Variants in SERF2 observed in about 807,000 individuals in gnomAD.
The protein encoded by SERF2 is gastric cancer-related protein VRG107.
Under a neutral mutation model 10.7 loss-of-function variants are expected in SERF2, and 4 were observed. The ratio of observed to expected loss-of-function variants is 0.37; its 90% CI spans 0.18 to 0.86. The LOEUF (loss-of-function observed/expected upper bound fraction) is 0.86. Among genes scored for constraint, SERF2 ranks in the 40% least tolerant of loss-of-function variants. The probability of loss-of-function intolerance (pLI) is 0.43; values close to 1 mark genes in which losing one functional copy is unlikely to be tolerated. For missense variants in SERF2, 47 were observed against 79.1 expected (o/e 0.59, Z 1.54); for synonymous variants, 26 against 26.0 (o/e 1.00, Z 0.01).
At chr15:43,786,828 G>C (rs901620064) in intron 2 of SERF2, among the ~76,000 whole-genome samples, 2 of 152,128 alleles carry the variant, frequency 1.3e-5, no homozygotes, top group African/African-American at 4.8e-5. Context: ...TATGGGCTAT[G>C]TGTTTCCTCA....
Position 43,793,818 on chromosome 15 carries a change from C to A in SERF2, c.*45C>A, listed in dbSNP as rs750512118. ...ACCCTCTTGCCCTTCGCCTGTGTGC[C>A]TGGAGCCAGTCCCACCACGCTCGCG... On this transcript the variant is annotated 3_prime_UTR_variant, in exon 3 of 3. Transcript: ENST00000249786. The A allele has an allele frequency of 1.2e-6, 2 of 1,613,840 alleles. No individual in the cohort carries two copies. The highest frequency in any genetic ancestry group is 2.2e-5 in the East Asian group (1 of 44,820).
chr15:43,793,157 C>T lies in SERF2; in HGVS notation c.116+74C>T, dbSNP rs1414078925. 1.1e-5 allele frequency: 10 copies of T among 930,786 alleles called. No individual in the cohort carries two copies. In the African/African-American group the frequency reaches 1.5e-4, roughly 14 times the overall value. The allele number at this position is 930,786 out of a possible 1,614,324, so 57.7% of individuals were successfully genotyped here. A position where few individuals can be genotyped will look rare whatever the true frequency, so the allele number is the denominator to read the frequency against. ...CCAAGGGTTATAGAAGGAAAGAGAG[C>T]TACCTCAGGGCTTGAATGTGGACTA... On this transcript the variant is annotated intron_variant, in intron 2 of 2. Transcript: ENST00000249786.
In SERF2 at chr15:43,794,172, A is replaced by T; in HGVS notation, c.*399A>T. 1.8e-6 allele frequency: 1 copy of T among 555,466 alleles called. No homozygotes were observed. Among genetic ancestry groups the T allele is most frequent in the Non-Finnish European group, 3.1e-6 (1 of 317,748 alleles). 34.4% of individuals were successfully genotyped at this position (555,466 alleles called of 1,614,324 possible). On this transcript the variant is annotated 3_prime_UTR_variant, in exon 3 of 3. Transcript: ENST00000249786. ...GGTATGTAGACTTAATAAGTGAAACATCACAGAAGAAGCCTTTATTATACA... is the reference window on the plus strand; with the variant it reads ...GGTATGTAGACTTAATAAGTGAAACTTCACAGAAGAAGCCTTTATTATACA...
chr15:43,779,407 G>C (rs1394204787), intron 1 of SERF2, among the ~76,000 whole-genome samples: 1 of 152,178 alleles, frequency 6.6e-6, no homozygotes, highest in Non-Finnish European at 1.5e-5. Flanking sequence ...CTGAGGCTTA[G>C]AGAAGCAGAG....
chr15:43,778,549 A>G (rs560011562), intron 1 of SERF2, among the ~76,000 whole-genome samples: 3 of 148,162 alleles, frequency 2.0e-5, no homozygotes, highest in African/African-American at 5.0e-5. Context: ...AAAAAAAGAA[A>G]AAAAGGCCAG....
At chr15:43,792,300 C>T (rs1002020765), upstream of SERF2, 9 of 1,277,288 alleles carry the variant, frequency 7.0e-6, no homozygotes, top group South Asian at 1.2e-5. Flanking sequence ...TGCTACGTTG[C>T]CAGAAGGGGC....
Position 43,795,018 on chromosome 15 carries a change from G to T in SERF2, c.*1245G>T, listed in dbSNP as rs143486742. 216 of 1,611,162 alleles carry T rather than the reference G, an allele frequency of 1.3e-4. 1 individual carries two copies. The East Asian group carries it at 4.6e-3, about 34-fold the overall frequency. On this transcript the variant is annotated 3_prime_UTR_variant, in exon 3 of 3. Transcript: ENST00000249786. Reference sequence around the variant, plus strand: ...AAAGGACTTAGACTGGAGGATATTTGTTATCTGGGGATATGATGCGGTGGC... The same window carrying T: ...AAAGGACTTAGACTGGAGGATATTTTTTATCTGGGGATATGATGCGGTGGC...
intron 1 of SERF2, among the ~76,000 whole-genome samples, chr15:43,782,486 C>T (rs981148955): frequency 6.6e-6 from 1 of 152,090 alleles, no homozygotes; most frequent in Admixed American, 6.6e-5. Context: ...AGGAGTATAA[C>T]TCTCCTCTTA....
At chr15:43,792,465 C>T (rs1413162174) in intron 1 of SERF2, 82 bp downstream of exon 1, 2 of 1,610,312 alleles carry the variant, frequency 1.2e-6, no homozygotes, top group African/African-American at 1.3e-5. Context: ...CTTTGACCTT[C>T]CGTAGCTTCC....
chr15:43,792,120 C>A (rs1010070742), upstream of SERF2: 5 of 576,582 alleles, frequency 8.7e-6, no homozygotes, highest in Non-Finnish European at 1.6e-5. Flanking sequence ...TCTCCAGGCC[C>A]GTCCCTACGT....
chr15:43,794,197 A>G lies in SERF2; in HGVS notation c.*424A>G. On this transcript the variant is annotated 3_prime_UTR_variant, in exon 3 of 3. Coordinates refer to ENST00000249786, the MANE Select transcript of SERF2 (RefSeq NM_001018108.4). ...ATCACAGAAGAAGCCTTTATTATAC[A>G]ATGACAACCAAACAAGTACTCCGGA... 1.9e-6 allele frequency: 1 copy of G among 517,680 alleles called. No homozygotes were observed. The highest frequency in any genetic ancestry group is 3.4e-6 in the Non-Finnish European group (1 of 293,664). 32.1% of individuals were successfully genotyped at this position (517,680 alleles called of 1,614,324 possible). A position where few individuals can be genotyped will look rare whatever the true frequency, so the allele number is the denominator to read the frequency against.
At chr15:43,777,326 G>A in exon 1 of SERF2, 2 of 344,970 alleles carry the variant, frequency 5.8e-6, no homozygotes, top group South Asian at 2.2e-5. Context: ...CAGCCGCAGA[G>A]GGGCGGGAGA....
At position 43,793,025 on chromosome 15, in the gene SERF2, G is replaced by T; in HGVS notation, c.58G>T (p.Asp20Tyr). Reference sequence around the variant, plus strand: ...CCAGAAGAATATGAAAAAGCAGAGCGACTCGGTTAAGGGAAAGCGCCGAGA... The same window carrying T: ...CCAGAAGAATATGAAAAAGCAGAGCTACTCGGTTAAGGGAAAGCGCCGAGA... ...ARQKNMKKQS[D>Y]SVKGKRRDDG... is the part of the protein sequence containing the mutation. The change falls in exon 2 of 3, where the codon GAC (aspartate) becomes TAC (tyrosine). Residue 20 changes from aspartate (D) to tyrosine (Y), a missense_variant. Transcript: ENST00000249786. The T allele has an allele frequency of 1.2e-6, 2 of 1,613,120 alleles. No homozygotes were observed. The highest frequency in any genetic ancestry group is 2.2e-5 in the South Asian group (2 of 90,980).
At chr15:43,791,900 A>G (rs151276103), upstream of SERF2, 1 of 174,368 alleles carries the variant, frequency 5.7e-6, no homozygotes, top group East Asian at 1.6e-4. Context: ...CTAAGTAAGC[A>G]CAAGTTTAGT....
chr15:43,782,706 G>C (rs2086973868), intron 1 of SERF2, among the ~76,000 whole-genome samples: 2 of 151,906 alleles, frequency 1.3e-5, no homozygotes, highest in African/African-American at 2.4e-5. Flanking sequence ...CTTTTTCCTG[G>C]ATCCTGTAAC....
At chr15:43,790,278 C>T (rs923711446), upstream of SERF2, among the ~76,000 whole-genome samples, 2 of 151,814 alleles carry the variant, frequency 1.3e-5, no homozygotes, top group African/African-American at 4.8e-5. Flanking sequence ...CCACTCCAGC[C>T]TCCAGCCTGG....
At chr15:43,778,130 A>C (rs2141664702) in intron 1 of SERF2, 1 of 151,672 alleles carries the variant, frequency 6.6e-6, no homozygotes, top group East Asian at 2.0e-4. Context: ...CGCCTGGCTA[A>C]TGTTTTGTAT....
At chr15:43,783,828 C>T (rs939482198) in intron 1 of SERF2, among the ~76,000 whole-genome samples, 2 of 148,866 alleles carry the variant, frequency 1.3e-5, no homozygotes, top group Admixed American at 1.4e-4. Flanking sequence ...GTGACGTGAT[C>T]TTGGCTCACT....
Position 43,793,948 on chromosome 15 carries a change from C to T in SERF2, c.*175C>T. ...TTCCTTCCCCTCAGGTAGCCTCTCT[C>T]CCCCTGGGCCACTCCCGGGGGTGAG... On this transcript the variant is annotated 3_prime_UTR_variant, in exon 3 of 3. Coordinates refer to ENST00000249786, the MANE Select transcript of SERF2 (RefSeq NM_001018108.4). 6.5e-7 allele frequency: 1 copy of T among 1,549,964 alleles called. No individual in the cohort carries two copies. The highest frequency in any genetic ancestry group is 1.2e-5 in the South Asian group (1 of 84,976).
Sources: allele counts gnomAD v4.1 joint callset (sites outside exome capture counted in the v4.1 genomes callset), GRCh38; gene constraint gnomAD v4.1.1; transcripts MANE v1.5; gene names NCBI Gene and HGNC (gene_info 2026-07-23, HGNC 2026-07-21).